The following SLC2A10 variants were observed in gnomAD, a reference collection of about 807,000 sequenced individuals.
SLC2A10 encodes the protein solute carrier family 2, facilitated glucose transporter member 10.
Under a neutral mutation model 32.1 loss-of-function variants are expected in SLC2A10, and 25 were observed. The observed-to-expected ratio is 0.78, with a 90% CI of 0.57 to 1.09. The LOEUF is 1.09. Ranked by LOEUF, SLC2A10 falls within the 50% of genes least tolerant of loss-of-function variation. The probability of loss-of-function intolerance (pLI) is 0.00; values close to 1 mark genes in which losing one functional copy is unlikely to be tolerated. For missense variants in SLC2A10, 673 were observed against 686.5 expected (o/e 0.98, Z 0.22); for synonymous variants, 332 against 309.6 (o/e 1.07, Z -0.76).
At chr20:46,726,463 C>T in intron 2 of SLC2A10, 139 bp downstream of exon 2, 1 of 1,290,338 alleles carries the variant, frequency 7.7e-7, no homozygotes, top group Non-Finnish European at 1.1e-6. Flanking sequence ...CTCAGGGCCC[C>T]TCACTTACCT....
chr20:46,736,037 C>A lies in SLC2A10; in HGVS notation c.*2203C>A, dbSNP rs528071290. Reference sequence around the variant, plus strand: ...TAGTCTAATTTTGTCAAATCATGGCCAAATCGCAGTGATAGTTGACTTTGG... The same window carrying A: ...TAGTCTAATTTTGTCAAATCATGGCAAAATCGCAGTGATAGTTGACTTTGG... On this transcript the variant is annotated 3_prime_UTR_variant, in exon 5 of 5. Coordinates refer to ENST00000359271, the MANE Select transcript of SLC2A10 (RefSeq NM_030777.4). 10 of 150,944 alleles carry A rather than the reference C, an allele frequency of 6.6e-5. No individual in the cohort carries two copies. The highest frequency in any genetic ancestry group is 2.4e-4 in the African/African-American group (10 of 40,986). 9.4% of individuals were successfully genotyped at this position (150,944 alleles called of 1,614,324 possible).
At chr20:46,723,887 G>C (rs370259489) in intron 1 of SLC2A10, among the ~76,000 whole-genome samples, 24 of 152,344 alleles carry the variant, frequency 1.6e-4, no homozygotes, top group African/African-American at 5.3e-4. Context: ...TTATAGGGTA[G>C]CTGTAACAAT....
rs1979787894 is a variant in SLC2A10 at position 46,724,952 on chromosome 20, A to C, written c.5-89A>C. 4 of 1,544,754 alleles carry C rather than the reference A, an allele frequency of 2.6e-6. No individual in the cohort carries two copies. In the African/African-American group the frequency reaches 5.4e-5, roughly 21 times the overall value. ...ATGGAGTAGATGGATGGATAAATGA[A>C]GGTGTTGACAGATGGAGGGAAGGTT... On this transcript the variant is annotated intron_variant, in intron 1 of 4. Coordinates refer to ENST00000359271, the MANE Select transcript of SLC2A10 (RefSeq NM_030777.4).
rs572659585 is a variant in SLC2A10, at chr20:46,718,501, A to G, written c.5-6540A>G. Among the ~76,000 whole-genome samples the G allele has an allele frequency of 5.3e-5, 8 of 152,226 alleles. No homozygotes were observed. The South Asian group carries it at 1.7e-3, about 32-fold the overall frequency. ...TTGTTCTAATTTTCCTAGCTTCTTC[A>G]CACAAAGACTTAATTAATTTACTCT... On this transcript the variant is annotated intron_variant, in intron 1 of 4. Coordinates refer to ENST00000359271, the MANE Select transcript of SLC2A10 (RefSeq NM_030777.4).
At chr20:46,712,198 G>C (rs982771957) in intron 1 of SLC2A10, among the ~76,000 whole-genome samples, 5 of 152,182 alleles carry the variant, frequency 3.3e-5, no homozygotes, top group Non-Finnish European at 5.9e-5. Flanking sequence ...TGCAATTGCT[G>C]GGACATTTGG....
chr20:46,726,472 C>A, intron 2 of SLC2A10, 148 bp downstream of exon 2: 1 of 1,206,388 alleles, frequency 8.3e-7, no homozygotes, highest in Non-Finnish European at 1.2e-6. Flanking sequence ...CCTCACTTAC[C>A]TGCAGTTGCT....
At chr20:46,710,845 C>T (rs999309899) in intron 1 of SLC2A10, among the ~76,000 whole-genome samples, 2 of 151,882 alleles carry the variant, frequency 1.3e-5, no homozygotes, top group Non-Finnish European at 2.9e-5. Context: ...GGGTTTTAAG[C>T]TGGAGCGGGG....
rs758161165 is a variant in SLC2A10 at position 46,726,922 on chromosome 20, C to G, written c.1347C>G (p.Ala449=). 1 of 1,614,202 alleles carries G rather than the reference C, an allele frequency of 6.2e-7. No individual in the cohort carries two copies. The highest frequency in any genetic ancestry group is 8.5e-7 in the Non-Finnish European group (1 of 1,180,038). Residue 449 remains alanine, a synonymous_variant, in exon 3 of 5, where the codon GCC becomes GCG. Transcript: ENST00000359271. ...YPVEIRGRAF[A]FCNSFNWAAN... is the part of the protein sequence containing the mutation. ...TGGAGATACGAGGAAGAGCCTTCGC[C>G]TTCTGCAACAGCTTCAACTGGGCGG...
chr20:46,713,632 G>C (rs1466754180), intron 1 of SLC2A10, among the ~76,000 whole-genome samples: 2 of 152,190 alleles, frequency 1.3e-5, no homozygotes, highest in African/African-American at 4.8e-5. Flanking sequence ...CCTAGTGGAA[G>C]AGTGACGAGG....
intron 1 of SLC2A10, among the ~76,000 whole-genome samples, chr20:46,713,840 C>T (rs190390402): frequency 2.5e-3 from 380 of 152,212 alleles, no homozygotes; most frequent in African/African-American, 8.0e-3. Flanking sequence ...AGGCTCAGGA[C>T]GAGTCAGTCT....
chr20:46,716,433 G>A (rs1206145380), intron 1 of SLC2A10, among the ~76,000 whole-genome samples: 1 of 152,062 alleles, frequency 6.6e-6, no homozygotes, highest in Non-Finnish European at 1.5e-5. Flanking sequence ...GATTACAGGC[G>A]TGAGCCACCA....
intron 1 of SLC2A10, among the ~76,000 whole-genome samples, chr20:46,716,103 A>G (rs1979221117): frequency 6.6e-6 from 1 of 150,636 alleles, no homozygotes; most frequent in South Asian, 2.1e-4. Flanking sequence ...TGATCACTTT[A>G]TTCATTCGTA....
chr20:46,733,978 T>A lies in SLC2A10; in HGVS notation c.*144T>A. The A allele has an allele frequency of 1.3e-6, 1 of 762,600 alleles. No homozygotes were observed. Among genetic ancestry groups the A allele is most frequent in the Non-Finnish European group, 2.3e-6 (1 of 439,954 alleles). 47.2% of individuals were successfully genotyped at this position (762,600 alleles called of 1,614,324 possible). A position where few individuals can be genotyped will look rare whatever the true frequency, so the allele number is the denominator to read the frequency against. ...CAAAGGTGGTCTGCTTTTGCTGGGGTAAAAAGGATGAAAGTCTGAGAATGC... is the reference window on the plus strand; with the variant it reads ...CAAAGGTGGTCTGCTTTTGCTGGGGAAAAAAGGATGAAAGTCTGAGAATGC... On this transcript the variant is annotated 3_prime_UTR_variant, in exon 5 of 5. Coordinates refer to ENST00000359271, the MANE Select transcript of SLC2A10 (RefSeq NM_030777.4).
At chr20:46,715,141 G>A (rs1979157108) in intron 1 of SLC2A10, among the ~76,000 whole-genome samples, 1 of 152,200 alleles carries the variant, frequency 6.6e-6, no homozygotes, top group Non-Finnish European at 1.5e-5. Flanking sequence ...ACCTAGGGTT[G>A]TTATGAGGAT....
intron 1 of SLC2A10, among the ~76,000 whole-genome samples, chr20:46,721,016 G>T (rs1979520765): frequency 6.6e-6 from 1 of 152,260 alleles, no homozygotes; most frequent in East Asian, 1.9e-4. Flanking sequence ...CCTGTCTGTT[G>T]CCTAAGGGTC....
At chr20:46,710,137 T>TGTGGGCCTGGGGACGCTGTC in intron 1 of SLC2A10, 1 of 435,186 alleles carries the variant, frequency 2.3e-6, no homozygotes. Context: ...CAGGCGCTGT[T>TGTGGGCCTGGGGACGCTGTC]GTGGGCCTGG....
chr20:46,716,766 T>C (rs1408748620), intron 1 of SLC2A10, among the ~76,000 whole-genome samples: 1 of 152,130 alleles, frequency 6.6e-6, no homozygotes, highest in Non-Finnish European at 1.5e-5. Flanking sequence ...TACCTGTAAG[T>C]AATCTCAGCA....
At chr20:46,719,524 A>G (rs1187203413) in intron 1 of SLC2A10, among the ~76,000 whole-genome samples, 1 of 152,206 alleles carries the variant, frequency 6.6e-6, no homozygotes, top group Non-Finnish European at 1.5e-5. Flanking sequence ...GCCACGTGAA[A>G]GGGATTCCCC....
chr20:46,710,326 T>G (rs1183372623), intron 1 of SLC2A10: 1 of 329,020 alleles, frequency 3.0e-6, no homozygotes, highest in African/African-American at 2.1e-5. Flanking sequence ...TTCAGAAGCC[T>G]CGAAGGATCA....
Sources: allele counts gnomAD v4.1 joint callset (sites outside exome capture counted in the v4.1 genomes callset), GRCh38; gene constraint gnomAD v4.1.1; transcripts MANE v1.5; gene names NCBI Gene and HGNC (gene_info 2026-07-23, HGNC 2026-07-21).